Variants in GPC5 observed in about 807,000 individuals in gnomAD.
The protein encoded by GPC5 is glypican 5.
A neutral mutation model predicts 53.9 loss-of-function variants in GPC5; 47 were observed. The observed-to-expected ratio is 0.87, with a 90% confidence interval of 0.69 to 1.11. The LOEUF (loss-of-function observed/expected upper bound fraction) is 1.11, where lower values mean the gene tolerates loss of function less well. Ranked by LOEUF, GPC5 falls within the 50% of genes most tolerant of loss-of-function variation. The pLI, the probability that GPC5 is intolerant of heterozygous loss-of-function variation, is 0.00. For synonymous variants in GPC5, 286 were observed against 263.3 expected, an observed-to-expected ratio of 1.09 and a Z score of -0.84; for missense variants, 748 against 713.1, an observed-to-expected ratio of 1.05 and a Z score of -0.56.
chr13:92,245,792 C>T (rs1037223946), intron 7 of GPC5, among the ~76,000 whole-genome samples: 1 of 152,058 alleles, frequency 6.6e-6, no homozygotes, highest in Non-Finnish European at 1.5e-5. Flanking sequence ...GGATCCCAGA[C>T]TCACTGAAGT....
At chr13:92,045,011 A>G (rs2040970528) in intron 6 of GPC5, among the ~76,000 whole-genome samples, 1 of 152,220 alleles carries the variant, frequency 6.6e-6, no homozygotes, top group Non-Finnish European at 1.5e-5. Flanking sequence ...ATATATAGCA[A>G]GTCAGAGTGA....
At chr13:91,573,352 A>T (rs2032009487) in intron 2 of GPC5, among the ~76,000 whole-genome samples, 1 of 152,206 alleles carries the variant, frequency 6.6e-6, no homozygotes, top group African/African-American at 2.4e-5. Flanking sequence ...GCATACGCAT[A>T]CATGCAACTT....
chr13:92,123,479 A>G (rs1030919068), intron 6 of GPC5, among the ~76,000 whole-genome samples: 9 of 152,206 alleles, frequency 5.9e-5, no homozygotes, highest in African/African-American at 2.2e-4. Flanking sequence ...TTTATTACAA[A>G]TTTTACAGGG....
chr13:92,179,541 A>T (rs2042131645), intron 7 of GPC5, among the ~76,000 whole-genome samples: 1 of 152,242 alleles, frequency 6.6e-6, no homozygotes, highest in Non-Finnish European at 1.5e-5. Flanking sequence ...ATGCTATTGA[A>T]CTAATAACTT....
intron 7 of GPC5, among the ~76,000 whole-genome samples, chr13:92,757,524 T>C (rs1403322061): frequency 2.6e-5 from 4 of 152,120 alleles, no homozygotes; most frequent in Non-Finnish European, 4.4e-5. Context: ...CAAAAGAAAC[T>C]ACCATCAGAG....
At chr13:92,279,118 T>A (rs573776178) in intron 7 of GPC5, among the ~76,000 whole-genome samples, 13 of 152,224 alleles carry the variant, frequency 8.5e-5, no homozygotes, top group African/African-American at 2.9e-4. Flanking sequence ...TGGAAAGTTT[T>A]GTTCTATTAA....
intron 2 of GPC5, among the ~76,000 whole-genome samples, chr13:91,609,626 G>A (rs988789607): frequency 6.6e-6 from 1 of 152,176 alleles, no homozygotes; most frequent in Non-Finnish European, 1.5e-5. Context: ...TCACAGATAG[G>A]CAGTGAGGAT....
chr13:92,194,261 G>GT (rs1208015268), intron 7 of GPC5, among the ~76,000 whole-genome samples: 2 of 152,148 alleles, frequency 1.3e-5, no homozygotes, highest in Non-Finnish European at 2.9e-5. Flanking sequence ...TTCATCCTGT[G>GT]TGCTTGGGAT....
intron 6 of GPC5, among the ~76,000 whole-genome samples, chr13:92,010,519 T>C (rs1399813421): frequency 6.6e-6 from 1 of 152,224 alleles, no homozygotes; most frequent in Non-Finnish European, 1.5e-5. Flanking sequence ...AGAATCTCTA[T>C]ATTGAAGCAC....
At chr13:92,312,197 G>T (rs1416765025) in intron 7 of GPC5, among the ~76,000 whole-genome samples, 1 of 152,116 alleles carries the variant, frequency 6.6e-6, no homozygotes, top group East Asian at 1.9e-4. Flanking sequence ...TAAAGAATAT[G>T]GATTTCAAAG....
chr13:92,405,771 T>G (rs1536620), intron 7 of GPC5, among the ~76,000 whole-genome samples: 59,335 of 151,988 alleles, frequency 0.39, 11,889 homozygotes, highest in Non-Finnish European at 0.43. Context: ...TAAAGTGTAT[T>G]CAACCACTGG....
At chr13:91,431,008 G>A (rs1025176145) in intron 1 of GPC5, among the ~76,000 whole-genome samples, 3 of 152,050 alleles carry the variant, frequency 2.0e-5, no homozygotes, top group Non-Finnish European at 4.4e-5. Context: ...CTAAGTAGCT[G>A]GGACCACAGG....
chr13:92,562,654 A>G (rs1482186238), intron 7 of GPC5, among the ~76,000 whole-genome samples: 3 of 151,992 alleles, frequency 2.0e-5, no homozygotes, highest in Non-Finnish European at 4.4e-5. Context: ...CTGCGAAATC[A>G]TCTTTGCTTC....
chr13:92,602,982 G>T lies in GPC5; in HGVS notation c.1562-263300G>T, dbSNP rs150864934. On this transcript the variant is annotated intron_variant, in intron 7 of 7. Transcript: ENST00000377067. Reference sequence around the variant, plus strand: ...TCACAGGACAAAATTGATTCCTCCGGTAAGTTGGGATAGCATGTGCAAAGT... The same window carrying T: ...TCACAGGACAAAATTGATTCCTCCGTTAAGTTGGGATAGCATGTGCAAAGT... Among the ~76,000 whole-genome samples, 456 of 152,252 alleles carry T rather than the reference G, an allele frequency of 3.0e-3. 6 individuals are homozygous for T. The highest frequency in any genetic ancestry group is 0.01 in the African/African-American group (436 of 41,544).
At chr13:92,034,971 A>C (rs928094338) in intron 6 of GPC5, among the ~76,000 whole-genome samples, 12 of 152,314 alleles carry the variant, frequency 7.9e-5, no homozygotes, top group African/African-American at 2.9e-4. Context: ...TTGGTTTGAC[A>C]CATAAAATAG....
chr13:92,158,431 G>A (rs1028552648), intron 7 of GPC5, among the ~76,000 whole-genome samples: 6 of 152,042 alleles, frequency 3.9e-5, no homozygotes, highest in African/African-American at 9.7e-5. Context: ...TTAGATAACA[G>A]TTAGCTCTAG....
At chr13:92,028,867 C>A (rs1341734298) in intron 6 of GPC5, among the ~76,000 whole-genome samples, 2 of 152,124 alleles carry the variant, frequency 1.3e-5, no homozygotes, top group Admixed American at 1.3e-4. Context: ...ATGTGGGAAG[C>A]TATCAATGGA....
At chr13:91,930,173 T>G (rs1183253746) in intron 6 of GPC5, among the ~76,000 whole-genome samples, 1 of 152,092 alleles carries the variant, frequency 6.6e-6, no homozygotes, top group Non-Finnish European at 1.5e-5. Context: ...AGAACGACCA[T>G]GAAGCCATGG....
intron 2 of GPC5, among the ~76,000 whole-genome samples, chr13:91,482,609 G>T (rs968359233): frequency 4.6e-5 from 7 of 152,194 alleles, no homozygotes; most frequent in African/African-American, 1.7e-4. Context: ...CAGGTGAATT[G>T]TGTGCACATT....
Sources: gnomAD v4.1 joint callset for allele counts (sites outside exome capture counted in the v4.1 genomes callset) on GRCh38, gnomAD v4.1.1 for gene constraint, MANE v1.5 for transcripts, NCBI Gene and HGNC (gene_info 2026-07-23, HGNC 2026-07-21) for gene names.